Variants in TTLL10 observed in about 807,000 individuals in gnomAD.
TTLL10 encodes inactive polyglycylase TTLL10.
A neutral mutation model predicts 69.0 loss-of-function variants in TTLL10; 61 were observed. That is an observed-to-expected ratio of 0.88 (90% CI 0.72 to 1.09). The LOEUF is 1.09. Among genes scored for constraint, TTLL10 ranks in the 50% least tolerant of loss-of-function variants. The pLI, the probability that TTLL10 is intolerant of heterozygous loss-of-function variation, is 0.00. For synonymous variants in TTLL10, 408 were observed against 393.3 expected (o/e 1.04, Z -0.44); for missense variants, 962 against 945.9 (o/e 1.02, Z -0.22).
intron 13 of TTLL10, among the ~76,000 whole-genome samples, chr1:1,188,405 ATT>A (rs57122719): frequency 1.7e-4 from 24 of 140,310 alleles, no homozygotes; most frequent in African/African-American, 2.6e-4. Context: ...GTCCAATGAA[ATT>A]TTTTTTTTTT....
At chr1:1,191,236 T>A (rs113858728) in intron 13 of TTLL10, among the ~76,000 whole-genome samples, 2,136 of 152,362 alleles carry the variant, frequency 0.014, 30 homozygotes, top group South Asian at 0.025. Flanking sequence ...GTTATTGACT[T>A]CTAATTTCAT....
chr1:1,191,894 C>A (rs1028086886), intron 13 of TTLL10, among the ~76,000 whole-genome samples: 1 of 152,286 alleles, frequency 6.6e-6, no homozygotes, highest in Non-Finnish European at 1.5e-5. Context: ...AGACACAGAT[C>A]GCTCCTGCTA....
In TTLL10 at chr1:1,179,751, G is replaced by A. The variant is rs974139677; in HGVS notation, c.199+14G>A. 2.6e-6 allele frequency: 4 copies of A among 1,543,052 alleles called. No homozygotes were observed. The African/African-American group carries it at 5.5e-5, about 21-fold the overall frequency. ...ACTGCCCTGTTGGTGAGGAGGGTCG[G>A]AGGGGCGACCTCCCTGCCCCCTGCT... On this transcript the variant is annotated intron_variant, in intron 5 of 15. Transcript: ENST00000379289.
chr1:1,177,532 C>T (rs1042654074), intron 3 of TTLL10, among the ~76,000 whole-genome samples: 1 of 152,196 alleles, frequency 6.6e-6, no homozygotes, highest in South Asian at 2.1e-4. Flanking sequence ...AGGATGGTCT[C>T]AATCTCCTGA....
At position 1,185,728 on chromosome 1, in the gene TTLL10, T is replaced by G. The variant is rs1197616797; in HGVS notation, c.1401+619T>G. 1.0e-6 allele frequency: 1 copy of G among 985,426 alleles called. No individual in the cohort carries two copies. The highest frequency in any genetic ancestry group is 1.2e-6 in the Non-Finnish European group (1 of 830,000). 61.0% of individuals were successfully genotyped at this position (985,426 alleles called of 1,614,324 possible). On this transcript the variant is annotated intron_variant, in intron 13 of 15. Transcript: ENST00000379289. This position sits in a 1 kb window ranked among gnomAD's most constrained non-coding sequence, Gnocchi z 6.1. Reference sequence around the variant, plus strand: ...CCCCGGAAGCAGCAGCCAGGGATGGTCCTTCCTCACCCACAGGCGTGTGTC... The same window carrying G: ...CCCCGGAAGCAGCAGCCAGGGATGGGCCTTCCTCACCCACAGGCGTGTGTC...
In TTLL10 at chr1:1,178,977, A is replaced by G. The variant is rs1004944373; in HGVS notation, c.-27-212A>G. Among the ~76,000 whole-genome samples the G allele has an allele frequency of 2.6e-5, 4 of 152,222 alleles. No homozygotes were observed. In the South Asian group the frequency reaches 8.3e-4, roughly 31 times the overall value. ...CAGGGAGGACATGCCCGGCAGAGAC[A>G]GGGTGCAGAGACAGCCTCGCCCCCA... On this transcript the variant is annotated intron_variant, in intron 3 of 15. Coordinates refer to ENST00000379289, the MANE Select transcript of TTLL10 (RefSeq NM_001130045.2).
At chr1:1,176,111 C>A (rs1164558333) in intron 3 of TTLL10, 4 of 434,776 alleles carry the variant, frequency 9.2e-6, no homozygotes, top group South Asian at 1.6e-5. Context: ...CTGCTCCCAG[C>A]CGCTGTGCAG....
At position 1,180,824 on chromosome 1, in the gene TTLL10, G is replaced by T; in HGVS notation, c.719G>T (p.Ser240Ile). ...CTTCGGGGACGGGCACGGGCCATGA[G>T]CAAGGCCAGCAAGGTGCCGGGGGGG... ...STLRGRARAM[S>I]KASKVPGGVQ... The change falls in exon 8 of 16, where the codon AGC (serine) becomes ATC (isoleucine). Residue 240 changes from serine (S) to isoleucine (I), a missense_variant. By Grantham distance (142) the Ser-to-Ile change is moderately radical. Coordinates refer to ENST00000379289, the MANE Select transcript of TTLL10 (RefSeq NM_001130045.2). The T allele has an allele frequency of 1.3e-6, 2 of 1,593,896 alleles. No homozygotes were observed. The highest frequency in any genetic ancestry group is 1.7e-6 in the Non-Finnish European group (2 of 1,171,092).
intron 10 of TTLL10, 138 bp from the exon 11 acceptor site, chr1:1,182,738 C>T (rs1467786841): frequency 1.9e-5 from 24 of 1,235,908 alleles, no homozygotes; most frequent in East Asian, 2.6e-5. Context: ...TGGGGCCAGG[C>T]GTGTGGTTAG....
At chr1:1,186,796 C>T (rs532741413) in intron 13 of TTLL10, among the ~76,000 whole-genome samples, 29 of 151,810 alleles carry the variant, frequency 1.9e-4, no homozygotes, top group Non-Finnish European at 3.5e-4. Flanking sequence ...TCTATTCAAA[C>T]GCTGTGGCTG....
rs60930714 is a variant in TTLL10 at position 1,177,174 on chromosome 1, A to G, written c.-27-2015A>G. On this transcript the variant is annotated intron_variant, in intron 3 of 15. Coordinates refer to ENST00000379289, the MANE Select transcript of TTLL10 (RefSeq NM_001130045.2). ...TGCATGTTTATAGGTGTGTGTGTGCATGTCTGTAGGTGTGTCTGTGCATCC... is the reference window on the plus strand; with the variant it reads ...TGCATGTTTATAGGTGTGTGTGTGCGTGTCTGTAGGTGTGTCTGTGCATCC... Among the ~76,000 whole-genome samples, 1,448 of 147,130 alleles carry G rather than the reference A, an allele frequency of 9.8e-3. 21 individuals carry two copies. Among genetic ancestry groups the G allele is most frequent in the African/African-American group, 0.034 (1,333 of 39,444 alleles).
At chr1:1,177,023 CGTGTCTGT>C (rs1011408578) in intron 3 of TTLL10, among the ~76,000 whole-genome samples, 12 of 151,178 alleles carry the variant, frequency 7.9e-5, no homozygotes, top group Admixed American at 7.2e-4. Flanking sequence ...TACATGTCTG[CGTGTCTGT>C]GTGTGTCAGC....
In TTLL10 at chr1:1,184,052, C is replaced by T; in HGVS notation, c.1221C>T (p.Asp407=). 6.2e-7 allele frequency: 1 copy of T among 1,614,216 alleles called. No homozygotes were observed. Among genetic ancestry groups the T allele is most frequent in the South Asian group, 1.1e-5 (1 of 91,088 alleles). ...CTCGCCTCACCCTTAGCCTTTACGA[C>T]CCCCATTCCAGCGACCTCGGCGGCC... ...GYARLTLSLY[D]PHSSDLGGHL... The change falls in exon 12 of 16, where the codon GAC becomes GAT. Residue 407 remains aspartate, a synonymous_variant. Transcript: ENST00000379289.
Position 1,182,944 on chromosome 1 carries a change from C to G in TTLL10, c.985C>G (p.Gln329Glu), listed in dbSNP as rs1302039902. The stretch of plus-strand genomic sequence containing the variant: ...CAAAGGCATCTTCCTGCTCCGGAAC[C>G]AGGAGGAAGTTGCCGCCCTGCAGGC... ...QGKGIFLLRN[Q>E]EEVAALQAKT... Residue 329 changes from glutamine to glutamate, a missense_variant, in exon 11 of 16, where the codon CAG (glutamine) becomes GAG (glutamate). By Grantham distance (29) the Gln-to-Glu change is conservative. Coordinates refer to ENST00000379289, the MANE Select transcript of TTLL10 (RefSeq NM_001130045.2). 1 of 1,601,740 alleles carries G rather than the reference C, an allele frequency of 6.2e-7. No homozygotes were observed. The highest frequency in any genetic ancestry group is 8.5e-7 in the Non-Finnish European group (1 of 1,174,882).
rs775121448 is a variant in TTLL10, at chr1:1,184,070, C to T, written c.1239C>T (p.Leu413=). 25 of 1,614,204 alleles carry T rather than the reference C, an allele frequency of 1.5e-5. No individual in the cohort carries two copies. The East Asian group carries it at 2.2e-4, about 14-fold the overall frequency. Reference sequence around the variant, plus strand: ...TTTACGACCCCCATTCCAGCGACCTCGGCGGCCACTTGACCAACCAGGTGA... The same window carrying T: ...TTTACGACCCCCATTCCAGCGACCTTGGCGGCCACTTGACCAACCAGGTGA... ...LSLYDPHSSD[L]GGHLTNQFMQ... Residue 413 remains leucine, a synonymous_variant, in exon 12 of 16, where the codon CTC becomes CTT. Transcript: ENST00000379289.
In TTLL10 at chr1:1,175,421, G is replaced by A. The variant is rs575149084; in HGVS notation, c.-28+932G>A. On this transcript the variant is annotated intron_variant, in intron 3 of 15. Coordinates refer to ENST00000379289, the MANE Select transcript of TTLL10 (RefSeq NM_001130045.2). ...TCCAGTGCAGAAATTCCCCGTGGAC[G>A]GTGAAAGGGGCTTGTCTTCCACACG... The A allele has an allele frequency of 5.1e-4, 169 of 330,520 alleles. 1 individual carries two copies. Among genetic ancestry groups the A allele is most frequent in the South Asian group, 2.5e-3 (101 of 40,254 alleles). 20.5% of individuals were successfully genotyped at this position (330,520 alleles called of 1,614,324 possible). A position where few individuals can be genotyped will look rare whatever the true frequency, so the allele number is the denominator to read the frequency against.
intron 13 of TTLL10, among the ~76,000 whole-genome samples, chr1:1,192,264 G>C (rs972226817): frequency 6.6e-6 from 1 of 152,220 alleles, no homozygotes; most frequent in African/African-American, 2.4e-5. Flanking sequence ...TGTTGGGTGT[G>C]TGTATGTTTA....
Position 1,181,657 on chromosome 1 carries a change from C to A in TTLL10, c.756-84C>A. 7.7e-7 allele frequency: 1 copy of A among 1,306,548 alleles called. No homozygotes were observed. 80.9% of individuals were successfully genotyped at this position (1,306,548 alleles called of 1,614,324 possible). ...AACTCACAGTCCGCCCACTCACCAC[C>A]CATGCCCCATCCCCCAGTCCCCACC... On this transcript the variant is annotated intron_variant, in intron 8 of 15. Transcript: ENST00000379289. The surrounding 1 kb of genome is among the most constrained non-coding windows in gnomAD (Gnocchi z 4.6).
chr1:1,181,849 A>G lies in TTLL10; in HGVS notation c.830+34A>G, dbSNP rs564027247. ...AGCCCAGCTGTGAGGGGCCCTTCAGACCGAAGTTCAGACCTAAACCTGGTG... is the reference window on the plus strand; with the variant it reads ...AGCCCAGCTGTGAGGGGCCCTTCAGGCCGAAGTTCAGACCTAAACCTGGTG... On this transcript the variant is annotated intron_variant, in intron 9 of 15. Transcript: ENST00000379289. The surrounding 1 kb of genome is among the most constrained non-coding windows in gnomAD (Gnocchi z 4.6). 2 of 1,571,768 alleles carry G rather than the reference A, an allele frequency of 1.3e-6. No individual in the cohort carries two copies. Among genetic ancestry groups the G allele is most frequent in the East Asian group, 4.6e-5 (2 of 43,820 alleles).
Sources: gnomAD v4.1 joint callset for allele counts (sites outside exome capture counted in the v4.1 genomes callset) on GRCh38, gnomAD v4.1.1 for gene constraint, Gnocchi (gnomAD v3.1) non-coding constraint, MANE v1.5 for transcripts, NCBI Gene and HGNC (gene_info 2026-07-23, HGNC 2026-07-21) for gene names.